DRC11: variants seen among roughly 807,000 people sequenced by gnomAD.
DRC11 encodes the protein dynein regulatory complex subunit 11.
chr2:236,479,649 T>G, the DRC11 span, among the ~76,000 whole-genome samples: 7 of 152,332 alleles, frequency 4.6e-5, no homozygotes, highest in Middle Eastern at 6.8e-3. The surrounding 1 kb of genome is among the most constrained non-coding windows in gnomAD (Gnocchi z 4.1). Flanking sequence ...CCCCACATTT[T>G]GACTTTTTGT....
chr2:236,358,931 G>A, the DRC11 span, among the ~76,000 whole-genome samples: 1 of 150,908 alleles, frequency 6.6e-6, no homozygotes, highest in East Asian at 1.9e-4. Context: ...CAGGGGCAAG[G>A]CCATTCCTGG....
chr2:236,371,165 C>G, the DRC11 span, among the ~76,000 whole-genome samples: 1 of 152,106 alleles, frequency 6.6e-6, no homozygotes, highest in Admixed American at 6.5e-5. This position sits in a 1 kb window ranked among gnomAD's most constrained non-coding sequence, Gnocchi z 5.1. Context: ...TGGGGAGGAA[C>G]AGCCCACATC....
the DRC11 span, among the ~76,000 whole-genome samples, chr2:236,489,424 G>A: frequency 3.3e-5 from 5 of 151,324 alleles, no homozygotes; most frequent in Middle Eastern, 3.4e-3. Context: ...GCATGCTGGG[G>A]CCTGTGTGGG....
chr2:236,314,797 T>C, the DRC11 span, among the ~76,000 whole-genome samples: 2 of 152,188 alleles, frequency 1.3e-5, no homozygotes, highest in Non-Finnish European at 2.9e-5. This position sits in a 1 kb window ranked among gnomAD's most constrained non-coding sequence, Gnocchi z 4.5. Context: ...TAAGAAAATT[T>C]AATGGCTAAA....
chr2:236,363,374 G>C, the DRC11 span, among the ~76,000 whole-genome samples: 1 of 152,212 alleles, frequency 6.6e-6, no homozygotes, highest in Non-Finnish European at 1.5e-5. This position sits in a 1 kb window ranked among gnomAD's most constrained non-coding sequence, Gnocchi z 5.6. Context: ...CCTGTGTGAG[G>C]AGTGCACAGA....
At chr2:236,387,406 C>G in the DRC11 span, among the ~76,000 whole-genome samples, 1 of 151,414 alleles carries the variant, frequency 6.6e-6, no homozygotes, top group African/African-American at 2.4e-5. Context: ...GATCCCTTTA[C>G]CATTATGTAA....
chr2:236,475,013 A>G, the DRC11 span, among the ~76,000 whole-genome samples: 1 of 152,178 alleles, frequency 6.6e-6, no homozygotes, highest in South Asian at 2.1e-4. The surrounding 1 kb of genome is among the most constrained non-coding windows in gnomAD (Gnocchi z 4.8). Flanking sequence ...ATTTAGAAAT[A>G]TACAATTGAT....
At chr2:236,431,779 C>T in the DRC11 span, among the ~76,000 whole-genome samples, 15 of 152,118 alleles carry the variant, frequency 9.9e-5, no homozygotes, top group Non-Finnish European at 1.9e-4. This position sits in a 1 kb window ranked among gnomAD's most constrained non-coding sequence, Gnocchi z 4.2. Flanking sequence ...TTTTAATTGC[C>T]AAATAATATA....
chr2:236,316,145 T>TTCTCTCTC, the DRC11 span, among the ~76,000 whole-genome samples: 1,999 of 146,188 alleles, frequency 0.014, 39 homozygotes, highest in African/African-American at 0.048. This position sits in a 1 kb window ranked among gnomAD's most constrained non-coding sequence, Gnocchi z 6.8. Flanking sequence ...ACTTATTTTC[T>TTCTCTCTC]TCTCTCTCTC....
the DRC11 span, among the ~76,000 whole-genome samples, chr2:236,373,920 C>T: frequency 6.6e-6 from 1 of 152,118 alleles, no homozygotes; most frequent in African/African-American, 2.4e-5. Context: ...TGATTTAATT[C>T]CCAAGAGTTT....
chr2:236,340,988 C>A, the DRC11 span, among the ~76,000 whole-genome samples: 1 of 152,168 alleles, frequency 6.6e-6, no homozygotes, highest in South Asian at 2.1e-4. Flanking sequence ...ATCCATCATG[C>A]CAGCAAACCA....
chr2:236,461,589 C>T, the DRC11 span, among the ~76,000 whole-genome samples: 1 of 152,170 alleles, frequency 6.6e-6, no homozygotes, highest in Non-Finnish European at 1.5e-5. This position sits in a 1 kb window ranked among gnomAD's most constrained non-coding sequence, Gnocchi z 4.0. Flanking sequence ...CTTAATGGGA[C>T]TTGCAGTTTA....
chr2:236,349,058 G>A, the DRC11 span, among the ~76,000 whole-genome samples: 1 of 152,124 alleles, frequency 6.6e-6, no homozygotes, highest in Non-Finnish European at 1.5e-5. The surrounding 1 kb of genome is among the most constrained non-coding windows in gnomAD (Gnocchi z 5.5). Context: ...CCAAGCCAGA[G>A]GCCTGGGTAT....
the DRC11 span, among the ~76,000 whole-genome samples, chr2:236,360,202 G>A: frequency 7.2e-5 from 11 of 152,156 alleles, no homozygotes; most frequent in East Asian, 5.8e-4. The surrounding 1 kb of genome is among the most constrained non-coding windows in gnomAD (Gnocchi z 5.8). Flanking sequence ...GTGAGCGGCC[G>A]TATAATGCAG....
At chr2:236,409,972 C>G in the DRC11 span, among the ~76,000 whole-genome samples, 9 of 152,280 alleles carry the variant, frequency 5.9e-5, no homozygotes, top group South Asian at 4.1e-4. Flanking sequence ...CTTGATCATG[C>G]TGGATAAGCT....
chr2:236,452,405 G>A, the DRC11 span, among the ~76,000 whole-genome samples: 3 of 152,180 alleles, frequency 2.0e-5, no homozygotes, highest in Non-Finnish European at 4.4e-5. The surrounding 1 kb of genome is among the most constrained non-coding windows in gnomAD (Gnocchi z 4.7). Context: ...TGTGGATGGA[G>A]GGGTTTCCAG....
chr2:236,505,965 GT>G, the DRC11 span, among the ~76,000 whole-genome samples: 3 of 152,210 alleles, frequency 2.0e-5, no homozygotes, highest in South Asian at 2.1e-4. Flanking sequence ...ACCATCTATA[GT>G]TTCTCTCCCC....
chr2:236,307,060 T>G, the DRC11 span, among the ~76,000 whole-genome samples: 1 of 152,148 alleles, frequency 6.6e-6, no homozygotes, highest in South Asian at 2.1e-4. This position sits in a 1 kb window ranked among gnomAD's most constrained non-coding sequence, Gnocchi z 7.0. Flanking sequence ...CACTTGACCA[T>G]CAGAGATGTT....
At chr2:236,336,974 T>C in the DRC11 span, among the ~76,000 whole-genome samples, 1 of 152,114 alleles carries the variant, frequency 6.6e-6, no homozygotes, top group Non-Finnish European at 1.5e-5. The surrounding 1 kb of genome is among the most constrained non-coding windows in gnomAD (Gnocchi z 7.3). Flanking sequence ...TCTTGAAACA[T>C]GTGCTCATGA....
Sources: allele counts gnomAD v4.1 joint callset (sites outside exome capture counted in the v4.1 genomes callset), GRCh38; gene constraint gnomAD v4.1.1; non-coding constraint Gnocchi (gnomAD v3.1); transcripts MANE v1.5; gene names NCBI Gene and HGNC (gene_info 2026-07-23, HGNC 2026-07-21).